PLCH2: variants seen among roughly 807,000 people sequenced by gnomAD.
PLCH2 encodes the protein phospholipase C eta 2.
Under a neutral mutation model 134.7 loss-of-function variants are expected in PLCH2, and 98 were observed. The ratio of observed to expected loss-of-function variants is 0.73; its 90% CI spans 0.62 to 0.86. The LOEUF (loss-of-function observed/expected upper bound fraction) is 0.86. PLCH2 is among the 40% of genes least tolerant of loss of function. The pLI is 0.00. For missense variants in PLCH2, 1,994 were observed against 1,986.6 expected (o/e 1.00, Z -0.07); for synonymous variants, 974 against 827.5 (o/e 1.18, Z -3.04).
At chr1:2,457,053 G>T (rs180945398) in intron 2 of PLCH2, among the ~76,000 whole-genome samples, 1 of 152,336 alleles carries the variant, frequency 6.6e-6, no homozygotes, top group East Asian at 1.9e-4. Flanking sequence ...ACCCCCCGGG[G>T]CTCCAGTCCT....
chr1:2,440,925 C>A (rs749647359), intron 2 of PLCH2, among the ~76,000 whole-genome samples: 4 of 152,164 alleles, frequency 2.6e-5, no homozygotes, highest in Non-Finnish European at 4.4e-5. Flanking sequence ...CCTCCTGGGG[C>A]CTCATCTGAG....
At chr1:2,417,231 G>A in the PLCH2 span, among the ~76,000 whole-genome samples, 2 of 152,172 alleles carry the variant, frequency 1.3e-5, no homozygotes, top group South Asian at 2.1e-4. Flanking sequence ...GGGGTGAACC[G>A]GCTGATAACT....
intron 11 of PLCH2, chr1:2,494,440 T>C (rs1642761518): frequency 6.5e-6 from 2 of 305,546 alleles, no homozygotes; most frequent in Middle Eastern, 1.2e-3. Context: ...GTCAGGGCCG[T>C]GGAATGCTCG....
At chr1:2,499,022 G>A in intron 18 of PLCH2, 62 bp from the exon 19 acceptor site, 6 of 1,552,054 alleles carry the variant, frequency 3.9e-6, no homozygotes, top group Non-Finnish European at 5.2e-6. Flanking sequence ...GGGGCTCCAG[G>A]CTGGAGCGGT....
At position 2,502,131 on chromosome 1, in the gene PLCH2, T is replaced by TA; in HGVS notation, c.2685dup (p.Gly896ArgfsTer27). ...TTGCAGGTCAAGCAGGCTCTGGGCC[T>TA]AAAAGGCCTCTTCCTCCGAGGCCCA... On this transcript the variant is annotated frameshift_variant, in exon 21 of 22. Transcript: ENST00000378486. LOFTEE classifies it high-confidence loss of function. 2.1e-6 allele frequency: 3 copies of TA among 1,461,790 alleles called. No individual in the cohort carries two copies. Among genetic ancestry groups the TA allele is most frequent in the Non-Finnish European group, 2.7e-6 (3 of 1,110,694 alleles). 90.6% of individuals were successfully genotyped at this position (1,461,790 alleles called of 1,614,324 possible). A position where few individuals can be genotyped will look rare whatever the true frequency, so the allele number is the denominator to read the frequency against.
chr1:2,476,071 G>C (rs766265759), upstream of PLCH2, among the ~76,000 whole-genome samples: 7 of 152,224 alleles, frequency 4.6e-5, no homozygotes, highest in Non-Finnish European at 1.5e-5. Flanking sequence ...CAGGCCTTCC[G>C]GTTGCGTTCT....
chr1:2,497,023 A>G lies in PLCH2; in HGVS notation c.2116+13A>G. The G allele has an allele frequency of 6.2e-7, 1 of 1,609,826 alleles. No homozygotes were observed. Among genetic ancestry groups the G allele is most frequent in the Non-Finnish European group, 8.5e-7 (1 of 1,178,270 alleles). On this transcript the variant is annotated intron_variant, in intron 15 of 21. Coordinates refer to ENST00000378486, the MANE Select transcript of PLCH2 (RefSeq NM_014638.4). Reference sequence around the variant, plus strand: ...GGCTGCCAAATGGGTGGGTGCGGGCATGGTGCGCTGGGTGTGGTGGGGAGG... The same window carrying G: ...GGCTGCCAAATGGGTGGGTGCGGGCGTGGTGCGCTGGGTGTGGTGGGGAGG...
At chr1:2,473,543 G>T (rs1308840558), upstream of PLCH2, among the ~76,000 whole-genome samples, 1 of 152,218 alleles carries the variant, frequency 6.6e-6, no homozygotes, top group Non-Finnish European at 1.5e-5. Context: ...CTGGACACCA[G>T]TGTGGACACT....
intron 2 of PLCH2, among the ~76,000 whole-genome samples, chr1:2,459,246 T>C (rs1640648974): frequency 6.6e-6 from 1 of 152,252 alleles, no homozygotes; most frequent in Non-Finnish European, 1.5e-5. Context: ...GTTTATTTTG[T>C]CTTGTTGGAG....
At chr1:2,480,085 G>T (rs1241478347) in intron 3 of PLCH2, 98 bp from the exon 4 acceptor site, 1 of 1,580,030 alleles carries the variant, frequency 6.3e-7, no homozygotes, top group Admixed American at 1.7e-5. Context: ...GAAGTGGCCG[G>T]TAGGCTGGGG....
chr1:2,488,633 T>C (rs1261021367), intron 8 of PLCH2, among the ~76,000 whole-genome samples: 1 of 152,218 alleles, frequency 6.6e-6, no homozygotes, highest in African/African-American at 2.4e-5. Flanking sequence ...ATACACATGG[T>C]TAAAAATGAA....
chr1:2,472,223 A>G (rs1641357096), upstream of PLCH2, among the ~76,000 whole-genome samples: 1 of 152,206 alleles, frequency 6.6e-6, no homozygotes, highest in African/African-American at 2.4e-5. Flanking sequence ...GGCTTCTCTC[A>G]GACGTTTAAA....
intron 2 of PLCH2, among the ~76,000 whole-genome samples, chr1:2,434,799 G>A (rs1639246351): frequency 6.6e-6 from 1 of 152,240 alleles, no homozygotes; most frequent in African/African-American, 2.4e-5. Context: ...GTGCACTGAT[G>A]ATGTGCTTCA....
chr1:2,500,621 A>G (rs1376194110), intron 20 of PLCH2: 2 of 152,248 alleles, frequency 1.3e-5, no homozygotes, highest in African/African-American at 4.8e-5. Flanking sequence ...GCCGCACCCC[A>G]TTAGCATCCA....
In PLCH2 at chr1:2,503,953, C is replaced by T. The variant is rs780340004; in HGVS notation, c.2991C>T (p.Leu997=). The T allele has an allele frequency of 1.4e-6, 2 of 1,411,354 alleles. No homozygotes were observed. The highest frequency in any genetic ancestry group is 2.0e-6 in the Non-Finnish European group (2 of 1,022,952). 87.4% of individuals were successfully genotyped at this position (1,411,354 alleles called of 1,614,324 possible). A position where few individuals can be genotyped will look rare whatever the true frequency, so the allele number is the denominator to read the frequency against. The change falls in exon 22 of 22, where the codon CTC becomes CTT. Residue 997 remains leucine, a synonymous_variant. Transcript: ENST00000378486. The stretch of plus-strand genomic sequence containing the variant: ...GCCCCCTCTCCACGCAGCGGCCACT[C>T]CCCCCACTGTGCAGCCTGGAAACCA... The part of the protein sequence containing the change: ...DTRPLSTQRP[L]PPLCSLETIA...
chr1:2,456,839 G>A (rs544803708), intron 2 of PLCH2, among the ~76,000 whole-genome samples: 1 of 152,142 alleles, frequency 6.6e-6, no homozygotes, highest in African/African-American at 2.4e-5. Flanking sequence ...CCAGCGGAGG[G>A]GCCCGTGCTG....
intron 2 of PLCH2, 98 bp downstream of exon 2, chr1:2,478,720 G>A (rs1325272098): frequency 1.1e-5 from 14 of 1,233,966 alleles, no homozygotes; most frequent in South Asian, 8.3e-5. Context: ...GAGGAGCAGC[G>A]AGACCCTAGG....
chr1:2,433,246 G>A (rs965124025), intron 2 of PLCH2, among the ~76,000 whole-genome samples: 1 of 152,260 alleles, frequency 6.6e-6, no homozygotes, highest in African/African-American at 2.4e-5. Flanking sequence ...GTGCTGTGGT[G>A]TGGGTGGTGG....
upstream of PLCH2, among the ~76,000 whole-genome samples, chr1:2,475,688 C>T (rs1328427277): frequency 6.6e-6 from 1 of 152,204 alleles, no homozygotes; most frequent in Non-Finnish European, 1.5e-5. Context: ...GGGCATGGGG[C>T]CACCTCCTCC....
Sources: gnomAD v4.1 joint callset for allele counts (sites outside exome capture counted in the v4.1 genomes callset) on GRCh38, gnomAD v4.1.1 for gene constraint, MANE v1.5 for transcripts, NCBI Gene and HGNC (gene_info 2026-07-23, HGNC 2026-07-21) for gene names.